Variants in CAMK1D observed in about 807,000 individuals in gnomAD.
CAMK1D encodes calcium/calmodulin-dependent protein kinase type 1D.
A neutral mutation model predicts 47.7 loss-of-function variants in CAMK1D; 9 were observed. The observed-to-expected ratio is 0.19, with a 90% CI of 0.11 to 0.33. The LOEUF is 0.33. CAMK1D is among the 10% of genes least tolerant of loss of function. The pLI is 1.00. For missense variants in CAMK1D, 291 were observed against 488.7 expected (o/e 0.60, Z 3.81); for synonymous variants, 184 against 184.9 (o/e 0.99, Z 0.04).
chr10:12,694,841 G>A (rs563314233), intron 3 of CAMK1D, among the ~76,000 whole-genome samples: 2 of 151,810 alleles, frequency 1.3e-5, no homozygotes, highest in African/African-American at 4.8e-5. Flanking sequence ...AGAAAACACA[G>A]CGGGCAAATA....
At chr10:12,530,646 G>A (rs181258846) in intron 1 of CAMK1D, among the ~76,000 whole-genome samples, 4 of 152,250 alleles carry the variant, frequency 2.6e-5, no homozygotes, top group East Asian at 1.9e-4. Flanking sequence ...CCGTGGCCTC[G>A]GGGTCTGGGG....
At chr10:12,379,391 A>G (rs1450232523) in intron 1 of CAMK1D, among the ~76,000 whole-genome samples, 1 of 152,192 alleles carries the variant, frequency 6.6e-6, no homozygotes, top group Non-Finnish European at 1.5e-5. Flanking sequence ...TTTTCATGAG[A>G]TAAATCATCA....
intron 2 of CAMK1D, among the ~76,000 whole-genome samples, chr10:12,563,315 C>G (rs1323262346): frequency 1.3e-5 from 2 of 152,096 alleles, no homozygotes; most frequent in Non-Finnish European, 2.9e-5. Context: ...GATGACACCA[C>G]TGCACCCCAG....
intron 1 of CAMK1D, among the ~76,000 whole-genome samples, chr10:12,380,869 C>CA (rs1838320405): frequency 6.6e-6 from 1 of 152,006 alleles, no homozygotes; most frequent in Non-Finnish European, 1.5e-5. Flanking sequence ...AACAAACAAA[C>CA]AAAAAAACAA....
At chr10:12,454,169 T>A (rs1472138137) in intron 1 of CAMK1D, among the ~76,000 whole-genome samples, 1 of 152,216 alleles carries the variant, frequency 6.6e-6, no homozygotes, top group Non-Finnish European at 1.5e-5. Context: ...ATTTTTTTGT[T>A]TGTTTGTTTT....
chr10:12,749,022 A>G (rs1835806571), intron 3 of CAMK1D, among the ~76,000 whole-genome samples: 1 of 151,758 alleles, frequency 6.6e-6, no homozygotes, highest in Non-Finnish European at 1.5e-5. Context: ...AATTACTTTA[A>G]TTAGTGATTG....
At chr10:12,767,949 T>C (rs1391067021) in intron 4 of CAMK1D, among the ~76,000 whole-genome samples, 2 of 152,188 alleles carry the variant, frequency 1.3e-5, no homozygotes, top group Admixed American at 1.3e-4. Flanking sequence ...CTTGGCTCAC[T>C]GCAACCTCCG....
chr10:12,577,346 C>T (rs1348958467), intron 2 of CAMK1D, among the ~76,000 whole-genome samples: 2 of 152,192 alleles, frequency 1.3e-5, no homozygotes, highest in Non-Finnish European at 2.9e-5. Context: ...CCTGCCACCT[C>T]CAGTTCTGAA....
intron 6 of CAMK1D, among the ~76,000 whole-genome samples, chr10:12,799,269 T>C (rs1002348600): frequency 6.8e-6 from 1 of 147,460 alleles, no homozygotes; most frequent in Non-Finnish European, 1.5e-5. Context: ...AGTGCATTGT[T>C]GGGAGTCAGC....
chr10:12,361,248 G>GTTTTTTTTTTTTT (rs55700646), intron 1 of CAMK1D, among the ~76,000 whole-genome samples: 10 of 120,076 alleles, frequency 8.3e-5, no homozygotes, highest in South Asian at 2.8e-4. Context: ...CTATTTGACT[G>GTTTTTTTTTTTTT]TTTTTTTTTT....
rs184184452 is a variant in CAMK1D, at chr10:12,604,912, G to T, written c.224+51556G>T. Among the ~76,000 whole-genome samples the T allele has an allele frequency of 2.3e-3, 349 of 150,760 alleles. 1 individual carries two copies. In the Middle Eastern group the frequency reaches 0.034, roughly 15 times the overall value. The stretch of plus-strand genomic sequence containing the variant: ...TTTTTTCTTTTTTTTTTTTGAGATG[G>T]AGTCTCACTCTGTCGCCCAGGCTGG... On this transcript the variant is annotated intron_variant, in intron 2 of 10. Transcript: ENST00000619168.
intron 1 of CAMK1D, among the ~76,000 whole-genome samples, chr10:12,426,942 T>A (rs1235765421): frequency 1.3e-5 from 2 of 151,842 alleles, no homozygotes; most frequent in Non-Finnish European, 2.9e-5. Context: ...CTTGATCTCC[T>A]GACTTCAAGT....
chr10:12,771,878 A>G lies in CAMK1D; in HGVS notation c.565+2079A>G, dbSNP rs528827948. Reference sequence around the variant, plus strand: ...GCAAAACCCCATCTCTACTAAAAATACAAAAATTAGCCAGGCATGGTGGCT... The same window carrying G: ...GCAAAACCCCATCTCTACTAAAAATGCAAAAATTAGCCAGGCATGGTGGCT... On this transcript the variant is annotated intron_variant, in intron 5 of 10. Coordinates refer to ENST00000619168, the MANE Select transcript of CAMK1D (RefSeq NM_153498.4). Among the ~76,000 whole-genome samples, 24 of 152,262 alleles carry G rather than the reference A, an allele frequency of 1.6e-4. No homozygotes were observed. The South Asian group carries it at 4.4e-3, about 28-fold the overall frequency.
intron 2 of CAMK1D, among the ~76,000 whole-genome samples, chr10:12,615,841 T>TGTATAG (rs2132423630): frequency 7.4e-6 from 1 of 135,294 alleles, no homozygotes; most frequent in Non-Finnish European, 1.6e-5. Context: ...CGTTCGTGTG[T>TGTATAG]GTATAGGTGT....
chr10:12,752,042 C>T (rs1324947162), intron 3 of CAMK1D, among the ~76,000 whole-genome samples: 3 of 150,718 alleles, frequency 2.0e-5, no homozygotes, highest in East Asian at 1.9e-4. Context: ...AGTGCAATGG[C>T]GCAATCTCGG....
chr10:12,429,694 C>G (rs1434289346), intron 1 of CAMK1D, among the ~76,000 whole-genome samples: 1 of 152,128 alleles, frequency 6.6e-6, no homozygotes, highest in African/African-American at 2.4e-5. Flanking sequence ...AGTCATCCAC[C>G]TCACTGTGCC....
intron 1 of CAMK1D, among the ~76,000 whole-genome samples, chr10:12,474,199 C>CTTTTTT (rs35554522): frequency 1.6e-4 from 19 of 119,348 alleles, no homozygotes; most frequent in African/African-American, 5.2e-4. Context: ...GAGGATCGTT[C>CTTTTTT]TTTTTTTTTT....
rs1285357603 is a variant in CAMK1D at position 12,392,702 on chromosome 10, A to G, written c.92+42792A>G. Among the ~76,000 whole-genome samples, 3 of 152,172 alleles carry G rather than the reference A, an allele frequency of 2.0e-5. 1 individual carries two copies. Among genetic ancestry groups the G allele is most frequent in the Middle Eastern group, 6.3e-3 (2 of 316 alleles). On this transcript the variant is annotated intron_variant, in intron 1 of 10. Coordinates refer to ENST00000619168, the MANE Select transcript of CAMK1D (RefSeq NM_153498.4). ...CTTAGCAATTTTTGAGAGCATATAC[A>G]TTGTTATTGAGCATAGTCACTATGT...
At chr10:12,759,518 G>A (rs776116003) in intron 3 of CAMK1D, among the ~76,000 whole-genome samples, 5 of 152,210 alleles carry the variant, frequency 3.3e-5, no homozygotes, top group Non-Finnish European at 5.9e-5. Flanking sequence ...TTGGTGTCAG[G>A]AGGAGTATCT....
Sources: allele counts gnomAD v4.1 joint callset (sites outside exome capture counted in the v4.1 genomes callset), GRCh38; gene constraint gnomAD v4.1.1; transcripts MANE v1.5; gene names NCBI Gene and HGNC (gene_info 2026-07-23, HGNC 2026-07-21).